Variants in C5orf52 observed in about 807,000 individuals in gnomAD.
C5orf52 encodes the protein chromosome 5 open reading frame 52.
C5orf52 carries 15 observed loss-of-function variants against 16.8 expected under a neutral mutation model. The ratio of observed to expected loss-of-function variants is 0.89; its 90% CI spans 0.60 to 1.38. The LOEUF (loss-of-function observed/expected upper bound fraction) is 1.38, where lower values mean the gene tolerates loss of function less well. Among genes scored for constraint, C5orf52 ranks in the 40% most tolerant of loss-of-function variants. The probability of loss-of-function intolerance (pLI) is 0.00; values close to 1 mark genes in which losing one functional copy is unlikely to be tolerated. For missense variants in C5orf52, 206 were observed against 213.1 expected (o/e 0.97, Z 0.21); for synonymous variants, 83 against 87.2 (o/e 0.95, Z 0.27).
rs1561596950 is a variant in C5orf52, at chr5:157,680,039, G to C, written c.*40G>C. On this transcript the variant is annotated 3_prime_UTR_variant, in exon 3 of 3. Transcript: ENST00000409999. Reference sequence around the variant, plus strand: ...AGAAAGGCCAACCACCCTAGTTCTGGCAAAGGGATCTGCCCCAGGGTCACG... The same window carrying C: ...AGAAAGGCCAACCACCCTAGTTCTGCCAAAGGGATCTGCCCCAGGGTCACG... 1.3e-6 allele frequency: 2 copies of C among 1,539,896 alleles called. No homozygotes were observed. Among genetic ancestry groups the C allele is most frequent in the East Asian group, 4.9e-5 (2 of 40,862 alleles).
At chr5:157,678,104 T>C (rs1014567590) in intron 2 of C5orf52, among the ~76,000 whole-genome samples, 1 of 152,220 alleles carries the variant, frequency 6.6e-6, no homozygotes, top group Admixed American at 6.5e-5. Flanking sequence ...ATCCAAACCC[T>C]ATTAAGCAAG....
intron 2 of C5orf52, among the ~76,000 whole-genome samples, chr5:157,677,965 G>T (rs1759934458): frequency 1.3e-5 from 2 of 151,928 alleles, no homozygotes; most frequent in African/African-American, 4.8e-5. Flanking sequence ...CCTAGCCTGG[G>T]CAATAGAGTG....
chr5:157,679,744 C>T, intron 2 of C5orf52, 97 bp from the exon 3 acceptor site: 1 of 1,177,428 alleles, frequency 8.5e-7, no homozygotes, highest in Non-Finnish European at 1.2e-6. Context: ...TTTTCCCACT[C>T]CCCCATCAGT....
chr5:157,671,803 C>T lies in C5orf52; in HGVS notation c.189C>T (p.Ser63=), dbSNP rs771826842. 12 of 1,541,642 alleles carry T rather than the reference C, an allele frequency of 7.8e-6. No homozygotes were observed. The East Asian group carries it at 2.4e-4, about 31-fold the overall frequency. ...QPQICFPRPR[S]AQQPVLFSLM... is the part of the protein sequence containing the mutation. Reference sequence around the variant, plus strand: ...AGATCTGCTTTCCGCGGCCGAGGTCCGCGCAGCAGCCGGTGCTGTTCAGGT... The same window carrying T: ...AGATCTGCTTTCCGCGGCCGAGGTCTGCGCAGCAGCCGGTGCTGTTCAGGT... The change falls in exon 1 of 3, where the codon TCC becomes TCT. Residue 63 remains serine (S), a synonymous_variant. Transcript: ENST00000409999.
chr5:157,672,002 C>T (rs1759803607), intron 1 of C5orf52, among the ~76,000 whole-genome samples, 176 bp downstream of exon 1: 1 of 152,224 alleles, frequency 6.6e-6, no homozygotes, highest in Non-Finnish European at 1.5e-5. Flanking sequence ...TCGGATTCCC[C>T]GGAGCCCGAA....
At chr5:157,679,786 C>T (rs34600005) in intron 2 of C5orf52, 55 bp from the exon 3 acceptor site, 180,524 of 1,498,608 alleles carry the variant, frequency 0.12, 11,744 homozygotes, top group Middle Eastern at 0.17. Context: ...GCGAAGTAAT[C>T]CTAATCTCAC....
At chr5:157,673,136 G>A (rs986508550) in intron 1 of C5orf52, among the ~76,000 whole-genome samples, 1 of 151,736 alleles carries the variant, frequency 6.6e-6, no homozygotes, top group African/African-American at 2.4e-5. Flanking sequence ...TCAGGAGTTC[G>A]AGACCAGTCA....
Position 157,679,951 on chromosome 5 carries a change from C to G in C5orf52, c.432C>G (p.Ser144=). Residue 144 remains serine, a synonymous_variant, in exon 3 of 3, where the codon TCC becomes TCG. Coordinates refer to ENST00000409999, the MANE Select transcript of C5orf52 (RefSeq NM_001145132.2). ...AGCTCGGGCGATGGAGAGAGGAATCCGTGAACAGCAACCGGTACTTAACCT... is the reference window on the plus strand; with the variant it reads ...AGCTCGGGCGATGGAGAGAGGAATCGGTGAACAGCAACCGGTACTTAACCT... ...LRKLGRWREE[S]VNSNRYLTFG... The G allele has an allele frequency of 1.9e-6, 3 of 1,551,662 alleles. No individual in the cohort carries two copies. The highest frequency in any genetic ancestry group is 2.6e-6 in the Non-Finnish European group (3 of 1,146,996).
chr5:157,675,928 T>C (rs967558047), intron 2 of C5orf52, among the ~76,000 whole-genome samples: 8 of 152,076 alleles, frequency 5.3e-5, no homozygotes, highest in Admixed American at 2.0e-4. Context: ...TAGACCCTGA[T>C]TGATGGATTC....
At chr5:157,671,525 A>G, upstream of C5orf52, 1 of 1,108,836 alleles carries the variant, frequency 9.0e-7, no homozygotes. Flanking sequence ...GGCTCCGCCC[A>G]GGGACTCACT....
chr5:157,675,691 A>G (rs1759880080), intron 2 of C5orf52, among the ~76,000 whole-genome samples: 2 of 152,160 alleles, frequency 1.3e-5, no homozygotes. Flanking sequence ...GTGTGGCAAC[A>G]GAGCAAGACT....
rs1759790404 is a variant in C5orf52, at chr5:157,671,565, C to T, written c.-50C>T. 1 of 1,480,982 alleles carries T rather than the reference C, an allele frequency of 6.8e-7. No individual in the cohort carries two copies. Among genetic ancestry groups the T allele is most frequent in the Non-Finnish European group, 9.1e-7 (1 of 1,099,036 alleles). 91.7% of individuals were successfully genotyped at this position (1,480,982 alleles called of 1,614,324 possible). ...GTCAGCGCGCGCCCACCTAGGTGGG[C>T]TGGCAACCAGCCACCAGTTTCCAAC... On this transcript the variant is annotated 5_prime_UTR_variant, in exon 1 of 3. Transcript: ENST00000409999.
chr5:157,679,703 A>G (rs936966791), intron 2 of C5orf52, 138 bp from the exon 3 acceptor site: 14 of 745,888 alleles, frequency 1.9e-5, no homozygotes, highest in Non-Finnish European at 2.0e-5. Flanking sequence ...GAGTCAAAGT[A>G]TATGGAATGT....
chr5:157,676,150 T>G (rs1759890645), intron 2 of C5orf52, among the ~76,000 whole-genome samples: 1 of 152,202 alleles, frequency 6.6e-6, no homozygotes, highest in South Asian at 2.1e-4. Flanking sequence ...CTCAACTCAC[T>G]GCAACCTCTA....
chr5:157,673,653 T>C (rs573609846), intron 1 of C5orf52, among the ~76,000 whole-genome samples: 4 of 140,934 alleles, frequency 2.8e-5, no homozygotes, highest in African/African-American at 1.0e-4. Flanking sequence ...ATATGAACAA[T>C]TTTTTTTTTT....
At position 157,671,782 on chromosome 5, in the gene C5orf52, C is replaced by T. The variant is rs1215221992; in HGVS notation, c.168C>T (p.Ile56=). Residue 56 remains isoleucine (I), a synonymous_variant, in exon 1 of 3, where the codon ATC becomes ATT. Transcript: ENST00000409999. ...TCGGCGTAGGGGGTCAGCCGCAGAT[C>T]TGCTTTCCGCGGCCGAGGTCCGCGC... The part of the protein sequence containing the change: ...PEIGVGGQPQ[I]CFPRPRSAQQ... The T allele has an allele frequency of 6.5e-7, 1 of 1,549,016 alleles. No individual in the cohort carries two copies. Among genetic ancestry groups the T allele is most frequent in the Admixed American group, 2.0e-5 (1 of 50,806 alleles).
In C5orf52 at chr5:157,677,224, C is replaced by T. The variant is rs181167992; in HGVS notation, c.321+2024C>T. Among the ~76,000 whole-genome samples, 131 of 152,230 alleles carry T rather than the reference C, an allele frequency of 8.6e-4. 2 individuals are homozygous for T. Among genetic ancestry groups the T allele is most frequent in the African/African-American group, 2.7e-3 (114 of 41,542 alleles). On this transcript the variant is annotated intron_variant, in intron 2 of 2. Coordinates refer to ENST00000409999, the MANE Select transcript of C5orf52 (RefSeq NM_001145132.2). ...AGGCCAGGGACACTGCTGAATATCCCGCAGTGTATGGGACAGCCCTCCACC... is the reference window on the plus strand; with the variant it reads ...AGGCCAGGGACACTGCTGAATATCCTGCAGTGTATGGGACAGCCCTCCACC...
intron 1 of C5orf52, among the ~76,000 whole-genome samples, chr5:157,673,947 T>C (rs1759848115): frequency 6.6e-6 from 1 of 152,186 alleles, no homozygotes; most frequent in South Asian, 2.1e-4. Flanking sequence ...TGCCCGGTCC[T>C]GAACAATTAT....
chr5:157,675,760 T>C (rs994809992), intron 2 of C5orf52, among the ~76,000 whole-genome samples: 1 of 152,188 alleles, frequency 6.6e-6, no homozygotes, highest in Non-Finnish European at 1.5e-5. Context: ...GTCCTAGAGT[T>C]TGAATGGGCC....
Sources: gnomAD v4.1 joint callset for allele counts (sites outside exome capture counted in the v4.1 genomes callset) on GRCh38, gnomAD v4.1.1 for gene constraint, MANE v1.5 for transcripts, NCBI Gene and HGNC (gene_info 2026-07-23, HGNC 2026-07-21) for gene names.